DLG5: variants seen among roughly 807,000 people sequenced by gnomAD.
DLG5 encodes the protein disks large homolog 5.
In DLG5, 48 loss-of-function variants were observed where a neutral mutation model predicts 189.8. The observed-to-expected ratio is 0.25, with a 90% CI of 0.20 to 0.32. DLG5 has a LOEUF of 0.32. Ranked by LOEUF, DLG5 falls within the 10% of genes least tolerant of loss-of-function variation. The probability of loss-of-function intolerance (pLI) is 1.00; values close to 1 mark genes in which losing one functional copy is unlikely to be tolerated. For missense variants in DLG5, 2,160 were observed against 2,544.7 expected (o/e 0.85, Z 3.25); for synonymous variants, 1,016 against 1,054.1 (o/e 0.96, Z 0.70).
chr10:77,840,801 G>A (rs1054242765), intron 7 of DLG5, among the ~76,000 whole-genome samples: 2 of 152,218 alleles, frequency 1.3e-5, no homozygotes, highest in African/African-American at 4.8e-5. Flanking sequence ...CAAGGGGCCT[G>A]TGTCTCATGC....
At chr10:77,835,597 A>T in intron 8 of DLG5, 141 bp downstream of exon 8, 1 of 844,202 alleles carries the variant, frequency 1.2e-6, no homozygotes, top group African/African-American at 1.7e-5. Flanking sequence ...GGCATCAACT[A>T]GGGGTGAGAA....
chr10:77,884,892 G>A (rs1207748209), intron 1 of DLG5, among the ~76,000 whole-genome samples: 3 of 152,114 alleles, frequency 2.0e-5, no homozygotes, highest in Non-Finnish European at 4.4e-5. Flanking sequence ...TTTGGAAATG[G>A]CGGACTTCAG....
chr10:77,900,370 C>A (rs558080526), intron 1 of DLG5, among the ~76,000 whole-genome samples: 2 of 152,182 alleles, frequency 1.3e-5, no homozygotes, highest in Non-Finnish European at 2.9e-5. Context: ...CATATCCTCA[C>A]GCTTCTGCTT....
At chr10:77,876,873 C>T (rs1156633269) in intron 1 of DLG5, among the ~76,000 whole-genome samples, 1 of 143,348 alleles carries the variant, frequency 7.0e-6, no homozygotes, top group Non-Finnish European at 1.5e-5. Flanking sequence ...TCTGTCCATT[C>T]TTTTTTTTTT....
intron 1 of DLG5, among the ~76,000 whole-genome samples, chr10:77,892,023 T>A (rs1352195849): frequency 6.6e-6 from 1 of 152,156 alleles, no homozygotes; most frequent in Non-Finnish European, 1.5e-5. Flanking sequence ...CACCCTGCCC[T>A]CATCATCTGC....
intron 13 of DLG5, chr10:77,824,695 AG>A (rs1421173740): frequency 3.9e-6 from 2 of 509,314 alleles, no homozygotes; most frequent in Non-Finnish European, 6.9e-6. Context: ...ACAGCAGGCT[AG>A]GGGAGGAGCA....
intron 2 of DLG5, chr10:77,868,269 T>C: frequency 2.7e-6 from 1 of 370,640 alleles, no homozygotes; most frequent in South Asian, 2.0e-5. Context: ...TTACTGCAGC[T>C]ACTTATTTAA....
intron 1 of DLG5, among the ~76,000 whole-genome samples, chr10:77,869,809 GTGGTT>G (rs1844828518): frequency 6.6e-6 from 1 of 152,106 alleles, no homozygotes; most frequent in South Asian, 2.1e-4. Flanking sequence ...CACAACCACT[GTGGTT>G]TGGTTTGAAT....
At chr10:77,896,370 T>C (rs1845759163) in intron 1 of DLG5, among the ~76,000 whole-genome samples, 1 of 152,162 alleles carries the variant, frequency 6.6e-6, no homozygotes. Flanking sequence ...GAGGATATAA[T>C]TGCATCAGTG....
At chr10:77,904,485 C>T (rs969372930) in intron 1 of DLG5, among the ~76,000 whole-genome samples, 2 of 152,026 alleles carry the variant, frequency 1.3e-5, no homozygotes, top group Admixed American at 6.6e-5. Flanking sequence ...TGGCTGTGTC[C>T]CTATTCAAAT....
At chr10:77,878,592 T>C (rs1845178095) in intron 1 of DLG5, among the ~76,000 whole-genome samples, 1 of 152,134 alleles carries the variant, frequency 6.6e-6, no homozygotes, top group Non-Finnish European at 1.5e-5. Flanking sequence ...ATACTTCCCA[T>C]CACCATCTCC....
rs1192297487 is a variant in DLG5 at position 77,816,387 on chromosome 10, A to G, written c.4025+164T>C. Reference sequence around the variant, plus strand: ...ATCCACACACGCCCCACCTCCCTGCATCCAGTGCCCCATGGCACTTACTGG... The same window carrying G: ...ATCCACACACGCCCCACCTCCCTGCGTCCAGTGCCCCATGGCACTTACTGG... On this transcript the variant is annotated intron_variant, in intron 20 of 31. Coordinates refer to ENST00000372391, the MANE Select transcript of DLG5 (RefSeq NM_004747.4). Among the ~76,000 whole-genome samples, 3 of 152,322 alleles carry G rather than the reference A, an allele frequency of 2.0e-5. No individual in the cohort carries two copies. In the East Asian group the frequency reaches 5.8e-4, roughly 29 times the overall value.
chr10:77,918,942 G>C (rs1013447751), intron 1 of DLG5, among the ~76,000 whole-genome samples: 1 of 152,176 alleles, frequency 6.6e-6, no homozygotes, highest in African/African-American at 2.4e-5. Context: ...ACGGCCGAGA[G>C]TGGTGGCTCA....
intron 1 of DLG5, among the ~76,000 whole-genome samples, chr10:77,900,745 A>C (rs1427528210): frequency 6.6e-6 from 1 of 152,010 alleles, no homozygotes; most frequent in Non-Finnish European, 1.5e-5. Flanking sequence ...GACCAGCCTG[A>C]CCAACATGGT....
At chr10:77,929,191 C>G (rs544779106), upstream of DLG5, 1 of 152,246 alleles carries the variant, frequency 6.6e-6, no homozygotes, top group South Asian at 2.1e-4. Flanking sequence ...TAGGTGCTTG[C>G]CACCACACCT....
At position 77,809,635 on chromosome 10, in the gene DLG5, T is replaced by C. The variant is rs2154575235; in HGVS notation, c.4559A>G (p.Asn1520Ser). ...CTCGGCCACAAACACCCCATGCAGG[T>C]TCCCACCACACAAGTGCACCCCAAG... ...LELGVHLCGG[N>S]LHGVFVAEVE... The change falls in exon 24 of 32, where the codon AAC (asparagine) becomes AGC (serine). Residue 1520 changes from asparagine (N) to serine (S), a missense_variant. By Grantham distance (46) the Asn-to-Ser change is conservative (BLOSUM62 1). Coordinates refer to ENST00000372391, the MANE Select transcript of DLG5 (RefSeq NM_004747.4). 1 of 1,614,076 alleles carries C rather than the reference T, an allele frequency of 6.2e-7. No homozygotes were observed. Among genetic ancestry groups the C allele is most frequent in the Non-Finnish European group, 8.5e-7 (1 of 1,179,994 alleles).
chr10:77,894,399 C>G (rs892907560), intron 1 of DLG5, among the ~76,000 whole-genome samples: 6 of 152,172 alleles, frequency 3.9e-5, no homozygotes, highest in African/African-American at 1.4e-4. Context: ...ACCTAGCACA[C>G]TTGCCAGACA....
chr10:77,930,250 T>C (rs1846773967), upstream of DLG5, among the ~76,000 whole-genome samples: 1 of 152,170 alleles, frequency 6.6e-6, no homozygotes, highest in South Asian at 2.1e-4. Context: ...TTGCTTGACA[T>C]TGGGACCTCC....
chr10:77,816,485 G>A lies in DLG5; in HGVS notation c.4025+66C>T, dbSNP rs1603641240. The A allele has an allele frequency of 1.9e-6, 3 of 1,608,592 alleles. No homozygotes were observed. The East Asian group carries it at 6.7e-5, about 36-fold the overall frequency. On this transcript the variant is annotated intron_variant, in intron 20 of 31. Transcript: ENST00000372391. ...CTAAGCCCCTTCCCTGCAGAGCCCA[G>A]GCCCGCTGCCGGGATGCACACTGTC...
Sources: allele counts gnomAD v4.1 joint callset (sites outside exome capture counted in the v4.1 genomes callset), GRCh38; gene constraint gnomAD v4.1.1; transcripts MANE v1.5; gene names NCBI Gene and HGNC (gene_info 2026-07-23, HGNC 2026-07-21).